The following STIL variants were observed in gnomAD, a reference collection of about 807,000 sequenced individuals.
STIL encodes STIL centriolar assembly protein.
A neutral mutation model predicts 110.1 loss-of-function variants in STIL; 55 were observed. That is an observed-to-expected ratio of 0.50 (90% CI 0.40 to 0.63). The LOEUF (loss-of-function observed/expected upper bound fraction) is 0.63, where lower values mean the gene tolerates loss of function less well. STIL is among the 20% of genes least tolerant of loss of function. The pLI is 0.00. For missense variants in STIL, 1,358 were observed against 1,530.0 expected (o/e 0.89, Z 1.87); for synonymous variants, 481 against 530.0 (o/e 0.91, Z 1.27).
At chr1:47,258,426 A>C (rs1644383433) in intron 16 of STIL, among the ~76,000 whole-genome samples, 1 of 152,206 alleles carries the variant, frequency 6.6e-6, no homozygotes, top group Admixed American at 6.5e-5. Context: ...ATTTGGCCTA[A>C]AGGTCCATTA....
intron 8 of STIL, among the ~76,000 whole-genome samples, chr1:47,291,147 G>A (rs1180634192): frequency 6.6e-6 from 1 of 152,170 alleles, no homozygotes; most frequent in Non-Finnish European, 1.5e-5. Flanking sequence ...ATCACCTGAG[G>A]TCAGGAGTTC....
At chr1:47,259,651 T>C (rs1403431055) in intron 16 of STIL, among the ~76,000 whole-genome samples, 2 of 152,208 alleles carry the variant, frequency 1.3e-5, no homozygotes, top group Non-Finnish European at 2.9e-5. Context: ...TTGCATTTTA[T>C]CTTACACTCT....
chr1:47,290,029 G>C (rs1376552119), intron 8 of STIL, among the ~76,000 whole-genome samples: 4 of 151,264 alleles, frequency 2.6e-5, no homozygotes, highest in African/African-American at 9.7e-5. Context: ...AGCATGATCA[G>C]TAATTGATAA....
intron 7 of STIL, among the ~76,000 whole-genome samples, chr1:47,293,805 G>T (rs899952304): frequency 6.6e-6 from 1 of 152,080 alleles, no homozygotes; most frequent in African/African-American, 2.4e-5. Context: ...GCAAGCACGC[G>T]TATCTCTGTC....
rs1644763888 is a variant in STIL at position 47,269,732 on chromosome 1, C to G, written c.2518G>C (p.Gly840Arg). ...ACTGCTTTTAATGAAGATGCACTAC[C>G]TGGAAGACTTGTGACTTCATTATTA... is the stretch of plus-strand genomic sequence containing the variant. ...DINNEVTSLPGSASSLKAVDI... is the reference protein window; with the variant it reads ...DINNEVTSLPRSASSLKAVDI... The change falls in exon 14 of 17, where the codon GGT becomes CGT. Residue 840 changes from glycine (G) to arginine (R), a missense_variant. Coordinates refer to ENST00000371877, the MANE Select transcript of STIL (RefSeq NM_001048166.1). 1 of 1,613,972 alleles carries G rather than the reference C, an allele frequency of 6.2e-7. No homozygotes were observed. The highest frequency in any genetic ancestry group is 1.7e-5 in the Admixed American group (1 of 59,990).
intron 3 of STIL, among the ~76,000 whole-genome samples, chr1:47,304,521 T>C (rs1046728057): frequency 6.6e-6 from 1 of 152,254 alleles, no homozygotes; most frequent in Admixed American, 6.5e-5. Context: ...GTCAAGGTCC[T>C]AGATGTAACT....
chr1:47,256,493 C>T (rs903518892), intron 16 of STIL, among the ~76,000 whole-genome samples: 1 of 151,854 alleles, frequency 6.6e-6, no homozygotes, highest in African/African-American at 2.4e-5. Flanking sequence ...TGGTGGTGCG[C>T]ACCTGTAGTC....
Position 47,302,347 on chromosome 1 carries a change from C to G in STIL, c.153-1G>C. 1 of 1,611,958 alleles carries G rather than the reference C, an allele frequency of 6.2e-7. No individual in the cohort carries two copies. Among genetic ancestry groups the G allele is most frequent in the Non-Finnish European group, 8.5e-7 (1 of 1,178,140 alleles). ...CTCAGTCACCACAAGCTTTGGATTT[C>G]TGAAAAACAACAAGTCTTTTATGAA... On this transcript the variant is annotated splice_acceptor_variant, in intron 3 of 16. Transcript: ENST00000371877. LOFTEE classifies it high-confidence loss of function.
At chr1:47,309,431 G>A (rs1005279977) in intron 2 of STIL, among the ~76,000 whole-genome samples, 4 of 151,878 alleles carry the variant, frequency 2.6e-5, no homozygotes, top group Non-Finnish European at 5.9e-5. Flanking sequence ...CTTGCCCACC[G>A]ACAAATTTTC....
At chr1:47,274,938 G>A (rs1253748337) in intron 12 of STIL, among the ~76,000 whole-genome samples, 2 of 151,670 alleles carry the variant, frequency 1.3e-5, no homozygotes, top group African/African-American at 4.8e-5. Flanking sequence ...GATCACCTGA[G>A]GTCAGGAGTT....
chr1:47,292,937 CA>C (rs2149106856), intron 8 of STIL, among the ~76,000 whole-genome samples: 1 of 152,188 alleles, frequency 6.6e-6, no homozygotes, highest in Non-Finnish European at 1.5e-5. Context: ...CAAATACTGA[CA>C]AAGATGTCAC....
At position 47,280,801 on chromosome 1, in the gene STIL, T is replaced by C. The variant is rs758193009; in HGVS notation, c.1657A>G (p.Ile553Val). ...AGNVQNEEYPIRPSTLNSRQS... is the reference protein window; with the variant it reads ...AGNVQNEEYPVRPSTLNSRQS... ...CTAGAATTAAGTGTGGAGGGTCTTATAGGATACTCTTCGTTTTGTACATTT... is the reference window on the plus strand; with the variant it reads ...CTAGAATTAAGTGTGGAGGGTCTTACAGGATACTCTTCGTTTTGTACATTT... The change falls in exon 12 of 17, where the codon ATA becomes GTA. Residue 553 changes from isoleucine to valine, a missense_variant. Physicochemically the swap from Ile to Val is conservative, Grantham distance 29 (BLOSUM62 3). Coordinates refer to ENST00000371877, the MANE Select transcript of STIL (RefSeq NM_001048166.1). 6 of 1,614,088 alleles carry C rather than the reference T, an allele frequency of 3.7e-6. 1 individual carries two copies. The highest frequency in any genetic ancestry group is 2.2e-5 in the South Asian group (2 of 91,082).
At chr1:47,272,404 G>A (rs1245545389) in intron 12 of STIL, among the ~76,000 whole-genome samples, 163 bp from the exon 13 acceptor site, 1 of 151,712 alleles carries the variant, frequency 6.6e-6, no homozygotes, top group East Asian at 1.9e-4. Context: ...ATTCAATATA[G>A]AAAGCCATTA....
At chr1:47,270,491 G>A (rs986324812) in intron 13 of STIL, among the ~76,000 whole-genome samples, 14 of 151,886 alleles carry the variant, frequency 9.2e-5, no homozygotes, top group Admixed American at 3.3e-4. Context: ...GGGATGGGGT[G>A]TGTATGTTGA....
intron 16 of STIL, among the ~76,000 whole-genome samples, chr1:47,255,050 A>C (rs1644291732): frequency 6.6e-6 from 1 of 152,142 alleles, no homozygotes; most frequent in African/African-American, 2.4e-5. Context: ...CTAGCTTCTC[A>C]GGAGCCTGAG....
chr1:47,281,231 A>G (rs201778264), intron 11 of STIL, 22 bp from the exon 12 acceptor site: 12 of 1,595,402 alleles, frequency 7.5e-6, no homozygotes, highest in African/African-American at 1.4e-5. Context: ...AAAGAAATAG[A>G]AAAAAAAAGT....
intron 6 of STIL, among the ~76,000 whole-genome samples, chr1:47,298,681 A>T (rs1645710899): frequency 6.6e-6 from 1 of 152,114 alleles, no homozygotes; most frequent in South Asian, 2.1e-4. Context: ...CAGAATATAC[A>T]ATATAGAACA....
intron 16 of STIL, among the ~76,000 whole-genome samples, chr1:47,255,101 C>T (rs1457852163): frequency 6.6e-6 from 1 of 151,664 alleles, no homozygotes; most frequent in Non-Finnish European, 1.5e-5. Flanking sequence ...AGGGGCCACC[C>T]TAGGCAAAAT....
Position 47,250,651 on chromosome 1 carries a change from T to C in STIL, c.*485A>G, listed in dbSNP as rs1644160124. On this transcript the variant is annotated 3_prime_UTR_variant, in exon 17 of 17. Coordinates refer to ENST00000371877, the MANE Select transcript of STIL (RefSeq NM_001048166.1). ...CCTGACCAACATGGAGAAACCAGTC[T>C]CTACTAAAAATACAAAATTAGCCAG... 6.2e-6 allele frequency: 1 copy of C among 162,158 alleles called. No individual in the cohort carries two copies. The highest frequency in any genetic ancestry group is 1.5e-4 in the East Asian group (1 of 6,822). The allele number at this position is 162,158 out of a possible 1,614,324, so 10.0% of individuals were successfully genotyped here. A position where few individuals can be genotyped will look rare whatever the true frequency, so the allele number is the denominator to read the frequency against.
Sources: gnomAD v4.1 joint callset for allele counts (sites outside exome capture counted in the v4.1 genomes callset) on GRCh38, gnomAD v4.1.1 for gene constraint, MANE v1.5 for transcripts, NCBI Gene and HGNC (gene_info 2026-07-23, HGNC 2026-07-21) for gene names.